VIPAS39: variants seen among roughly 807,000 people sequenced by gnomAD.
VIPAS39 encodes spermatogenesis-defective protein 39 homolog.
VIPAS39 carries 63 observed loss-of-function variants against 84.7 expected under a neutral mutation model. That is an observed-to-expected ratio of 0.74 (90% CI 0.61 to 0.92). The LOEUF (loss-of-function observed/expected upper bound fraction) is 0.92, where lower values mean the gene tolerates loss of function less well. VIPAS39 is among the 40% of genes least tolerant of loss of function. The probability of loss-of-function intolerance (pLI) is 0.00; values close to 1 mark genes in which losing one functional copy is unlikely to be tolerated. For synonymous variants in VIPAS39, 192 were observed against 216.5 expected (o/e 0.89, Z 0.99); for missense variants, 499 against 604.5 (o/e 0.83, Z 1.83).
chr14:77,449,734 C>T lies in VIPAS39; in HGVS notation c.362G>A (p.Ser121Asn), dbSNP rs1179874171. ...CCTACCATCAGAAAGGGACTGGAAA[C>T]TTCCAGGTCTAGTTCTACCTAAAGG... is the stretch of plus-strand genomic sequence containing the variant. ...SFFRGRTRPG[S>N]FQSLSDALSD... Residue 121 changes from serine (S) to asparagine (N), a missense_variant, in exon 5 of 20, where the codon AGT becomes AAT. Physicochemically the swap from Ser to Asn is conservative, Grantham distance 46. Transcript: ENST00000557658. 2 of 1,614,006 alleles carry T rather than the reference C, an allele frequency of 1.2e-6. No individual in the cohort carries two copies. Among genetic ancestry groups the T allele is most frequent in the African/African-American group, 2.7e-5 (2 of 74,924 alleles).
intron 15 of VIPAS39, 33 bp downstream of exon 15, chr14:77,434,229 C>CT (rs1488858816): frequency 6.2e-7 from 1 of 1,603,610 alleles, no homozygotes. Context: ...ACCCTGATCA[C>CT]TAGTTTCATA....
chr14:77,453,062 T>A (rs1041052230), intron 3 of VIPAS39, among the ~76,000 whole-genome samples: 2 of 152,144 alleles, frequency 1.3e-5, no homozygotes, highest in African/African-American at 4.8e-5. Context: ...CAAATGAGAA[T>A]GAAATAGCCA....
chr14:77,447,358 T>G (rs2078808830), intron 7 of VIPAS39, among the ~76,000 whole-genome samples: 1 of 151,860 alleles, frequency 6.6e-6, no homozygotes, highest in South Asian at 2.1e-4. Context: ...TTTTATCATT[T>G]GTAGAGACAC....
chr14:77,439,887 A>G (rs1301190484), intron 11 of VIPAS39, among the ~76,000 whole-genome samples: 1 of 152,182 alleles, frequency 6.6e-6, no homozygotes, highest in Non-Finnish European at 1.5e-5. Flanking sequence ...AATGTGTTGT[A>G]CAATAACTAA....
chr14:77,434,621 G>A (rs112531248), intron 14 of VIPAS39, among the ~76,000 whole-genome samples: 30 of 152,132 alleles, frequency 2.0e-4, no homozygotes, highest in African/African-American at 4.3e-4. Context: ...AGCCAGGCGC[G>A]GTGGCTCTCA....
chr14:77,437,715 C>G, intron 12 of VIPAS39, 93 bp downstream of exon 12: 2 of 1,328,958 alleles, frequency 1.5e-6, no homozygotes, highest in Non-Finnish European at 1.1e-6. Context: ...TTAGCCCTCC[C>G]CTTCCTGCCT....
intron 2 of VIPAS39, 107 bp downstream of exon 2, chr14:77,453,903 C>A: frequency 9.9e-7 from 1 of 1,010,072 alleles, no homozygotes; most frequent in Non-Finnish European, 1.6e-6. Flanking sequence ...CTTTTCTGAG[C>A]CTAATGAAGA....
chr14:77,448,631 G>C, intron 6 of VIPAS39, 81 bp from the exon 7 acceptor site: 1 of 1,391,682 alleles, frequency 7.2e-7, no homozygotes, highest in Non-Finnish European at 1.0e-6. Flanking sequence ...CTCAAACTCA[G>C]TCTTAGTGTC....
intron 2 of VIPAS39, 139 bp downstream of exon 2, chr14:77,453,871 G>A (rs1321696481): frequency 1.2e-6 from 1 of 809,932 alleles, no homozygotes; most frequent in Non-Finnish European, 2.1e-6. Context: ...GCAGTGAGCT[G>A]GATTTTACAA....
At chr14:77,428,866 C>T (rs952292198) in intron 18 of VIPAS39, 140 bp downstream of exon 18, 9 of 763,760 alleles carry the variant, frequency 1.2e-5, no homozygotes, top group Middle Eastern at 3.2e-4. Flanking sequence ...GGTCTCCAAA[C>T]AAACTCTTGC....
At chr14:77,450,657 C>A (rs2078867413) in intron 4 of VIPAS39, among the ~76,000 whole-genome samples, 1 of 152,080 alleles carries the variant, frequency 6.6e-6, no homozygotes, top group South Asian at 2.1e-4. Flanking sequence ...ATTACAGAAG[C>A]CCCCACCATG....
chr14:77,446,568 C>G (rs1196302527), intron 7 of VIPAS39, among the ~76,000 whole-genome samples: 1 of 152,180 alleles, frequency 6.6e-6, no homozygotes, highest in African/African-American at 2.4e-5. Flanking sequence ...CTCAACAACT[C>G]TTTTGTAGAC....
chr14:77,430,117 A>T (rs984873812), intron 16 of VIPAS39, among the ~76,000 whole-genome samples: 1 of 152,180 alleles, frequency 6.6e-6, no homozygotes, highest in Non-Finnish European at 1.5e-5. Context: ...TTATTTGCAA[A>T]TTCATGAGGG....
intron 1 of VIPAS39, chr14:77,457,180 A>C: frequency 6.8e-7 from 1 of 1,471,576 alleles, no homozygotes; most frequent in Non-Finnish European, 9.0e-7. Flanking sequence ...AACAAGAGTT[A>C]AGCTAGGATG....
At chr14:77,431,827 A>C (rs2078527651) in intron 16 of VIPAS39, among the ~76,000 whole-genome samples, 1 of 152,242 alleles carries the variant, frequency 6.6e-6, no homozygotes, top group East Asian at 1.9e-4. Context: ...TTAACTATTC[A>C]TGAAATGTAA....
intron 12 of VIPAS39, among the ~76,000 whole-genome samples, chr14:77,437,137 T>C (rs182206003): frequency 1.3e-5 from 2 of 152,248 alleles, no homozygotes; most frequent in African/African-American, 2.4e-5. Flanking sequence ...TGAGGAATGG[T>C]TGAAACAACC....
At chr14:77,453,945 T>C (rs1351993616) in intron 2 of VIPAS39, 65 bp downstream of exon 2, 5 of 1,507,618 alleles carry the variant, frequency 3.3e-6, no homozygotes, top group Non-Finnish European at 4.6e-6. Flanking sequence ...TTACCCAGAA[T>C]GCAAGAGGAA....
intron 2 of VIPAS39, 150 bp downstream of exon 2, chr14:77,453,860 G>C (rs998797432): frequency 2.7e-6 from 2 of 742,994 alleles, no homozygotes; most frequent in Non-Finnish European, 4.7e-6. Flanking sequence ...AAGTAAGAAA[G>C]GCAGTGAGCT....
intron 12 of VIPAS39, among the ~76,000 whole-genome samples, chr14:77,436,304 G>A (rs1051193570): frequency 2.0e-5 from 3 of 152,186 alleles, no homozygotes; most frequent in African/African-American, 7.2e-5. Context: ...AACTTACTGA[G>A]GGGACACCTA....
Sources: allele counts gnomAD v4.1 joint callset (sites outside exome capture counted in the v4.1 genomes callset), GRCh38; gene constraint gnomAD v4.1.1; transcripts MANE v1.5; gene names NCBI Gene and HGNC (gene_info 2026-07-23, HGNC 2026-07-21).